Variants in UBR1 observed in about 807,000 individuals in gnomAD.
UBR1 encodes E3 ubiquitin-protein ligase UBR1.
Under a neutral mutation model 242.1 loss-of-function variants are expected in UBR1, and 102 were observed. The ratio of observed to expected loss-of-function variants is 0.42; its 90% CI spans 0.36 to 0.50. The LOEUF (loss-of-function observed/expected upper bound fraction) is 0.50, where lower values mean the gene tolerates loss of function less well. UBR1 is among the 20% of genes least tolerant of loss of function. The pLI is 0.01. For missense variants in UBR1, 1,772 were observed against 2,101.8 expected, an observed-to-expected ratio of 0.84 and a Z score of 3.07; for synonymous variants, 675 against 684.8, an observed-to-expected ratio of 0.99 and a Z score of 0.22.
intron 2 of UBR1, among the ~76,000 whole-genome samples, chr15:43,082,918 G>A (rs2033989307): frequency 1.3e-5 from 2 of 152,226 alleles, no homozygotes; most frequent in South Asian, 4.1e-4. Flanking sequence ...CCACATTTAA[G>A]TGTGTAGGTC....
chr15:43,047,366 G>C (rs2033499156), intron 13 of UBR1, 77 bp from the exon 14 acceptor site: 7 of 1,598,212 alleles, frequency 4.4e-6, no homozygotes, highest in African/African-American at 1.3e-5. Flanking sequence ...ATATAAAACT[G>C]TCAGGATTCA....
intron 37 of UBR1, among the ~76,000 whole-genome samples, chr15:42,981,011 C>A (rs1342806061): frequency 6.6e-6 from 1 of 152,124 alleles, no homozygotes; most frequent in Non-Finnish European, 1.5e-5. Flanking sequence ...TTCTGCTATT[C>A]ATTTTAGTTC....
intron 1 of UBR1, chr15:43,092,022 G>A (rs1397201707): frequency 2.2e-6 from 1 of 453,106 alleles, no homozygotes; most frequent in Non-Finnish European, 4.4e-6. Flanking sequence ...AGAGGGAGAG[G>A]TCAGTGAGCG....
rs2031955660 is a variant in UBR1, at chr15:42,958,234, A to T, written c.4758-144T>A. 7.7e-6 allele frequency: 5 copies of T among 650,726 alleles called. No homozygotes were observed. The Admixed American group carries it at 1.4e-4, about 18-fold the overall frequency. 40.3% of individuals were successfully genotyped at this position (650,726 alleles called of 1,614,324 possible). On this transcript the variant is annotated intron_variant, in intron 43 of 46. Coordinates refer to ENST00000290650, the MANE Select transcript of UBR1 (RefSeq NM_174916.3). The stretch of plus-strand genomic sequence containing the variant: ...AGTAATTCCCACTGTTGACTTGATC[A>T]AATCCAAACTTCTCAGCCTATAATT...
At chr15:42,965,927 A>G (rs146248884) in intron 41 of UBR1, among the ~76,000 whole-genome samples, 495 of 152,374 alleles carry the variant, frequency 3.2e-3, no homozygotes, top group Non-Finnish European at 4.8e-3. Flanking sequence ...CACATAACCT[A>G]TACATAGATA....
chr15:43,042,115 C>T (rs1442906915), intron 15 of UBR1, among the ~76,000 whole-genome samples: 1 of 152,104 alleles, frequency 6.6e-6, no homozygotes, highest in Admixed American at 6.5e-5. Flanking sequence ...CTAAGGAAAA[C>T]ACTATGATGG....
At position 43,061,449 on chromosome 15, in the gene UBR1, T is replaced by A. The variant is rs529957330; in HGVS notation, c.799-1335A>T. ...ACGCATGTTTATGGCAGTTACAATT[T>A]GCAATTGCAAAATCACGGCACCAAC... On this transcript the variant is annotated intron_variant, in intron 6 of 46. Coordinates refer to ENST00000290650, the MANE Select transcript of UBR1 (RefSeq NM_174916.3). Among the ~76,000 whole-genome samples the A allele has an allele frequency of 3.3e-5, 5 of 152,296 alleles. No individual in the cohort carries two copies. In the South Asian group the frequency reaches 1.0e-3, roughly 32 times the overall value.
Position 43,039,402 on chromosome 15 carries a change from T to C in UBR1, c.1850-1170A>G, listed in dbSNP as rs560168891. On this transcript the variant is annotated intron_variant, in intron 15 of 46. Coordinates refer to ENST00000290650, the MANE Select transcript of UBR1 (RefSeq NM_174916.3). ...TTGAAGAGGTCCTTCACATCCCTTG[T>C]AAGTTGGATTCCTAGGTATTTTATT... is the stretch of plus-strand genomic sequence containing the variant. Among the ~76,000 whole-genome samples, 5 of 152,354 alleles carry C rather than the reference T, an allele frequency of 3.3e-5. No individual in the cohort carries two copies. In the South Asian group the frequency reaches 8.3e-4, roughly 25 times the overall value.
intron 15 of UBR1, among the ~76,000 whole-genome samples, chr15:43,040,669 G>A (rs918907539): frequency 6.6e-6 from 1 of 152,106 alleles, no homozygotes; most frequent in Non-Finnish European, 1.5e-5. Context: ...CCTACAGAAT[G>A]GGAGAAAATT....
At chr15:43,085,183 G>A (rs2034020056) in intron 2 of UBR1, among the ~76,000 whole-genome samples, 1 of 152,166 alleles carries the variant, frequency 6.6e-6, no homozygotes, top group African/African-American at 2.4e-5. Context: ...AATCTCACTT[G>A]GTGGCAAAAA....
chr15:42,966,226 G>A lies in UBR1; in HGVS notation c.4518C>T (p.Thr1506=), dbSNP rs779421914. Reference sequence around the variant, plus strand: ...ACAATGCAGCACAGCGAAGATAAGGGGTGATGCCATTCTTCAGTGAGACCC... The same window carrying A: ...ACAATGCAGCACAGCGAAGATAAGGAGTGATGCCATTCTTCAGTGAGACCC... The part of the protein sequence containing the change: ...YLWVSLKNGI[T]PYLRCAALFF... Residue 1506 remains threonine, a synonymous_variant, in exon 41 of 47, where the codon ACC becomes ACT. Coordinates refer to ENST00000290650, the MANE Select transcript of UBR1 (RefSeq NM_174916.3). 1.2e-6 allele frequency: 2 copies of A among 1,614,052 alleles called. No individual in the cohort carries two copies. The highest frequency in any genetic ancestry group is 2.2e-5 in the East Asian group (1 of 44,872).
In UBR1 at chr15:43,022,789, G is replaced by A. The variant is rs779429240; in HGVS notation, c.2752C>T (p.Leu918=). ...TTCTCTTCTAGTAAACCCAATGCCAGAATATGAAAAGCCTGAAGGAGGAAA... is the reference window on the plus strand; with the variant it reads ...TTCTCTTCTAGTAAACCCAATGCCAAAATATGAAAAGCCTGAAGGAGGAAA... ...EGMLQMAFHI[L]ALGLLEEKQQ... is the part of the protein sequence containing the mutation. Residue 918 remains leucine, a synonymous_variant, in exon 26 of 47, where the codon CTG becomes TTG. Coordinates refer to ENST00000290650, the MANE Select transcript of UBR1 (RefSeq NM_174916.3). The A allele has an allele frequency of 1.2e-6, 2 of 1,610,704 alleles. No individual in the cohort carries two copies. The highest frequency in any genetic ancestry group is 1.3e-5 in the African/African-American group (1 of 74,966).
intron 9 of UBR1, among the ~76,000 whole-genome samples, 155 bp from the exon 10 acceptor site, chr15:43,058,584 G>A (rs2141336235): frequency 6.6e-6 from 1 of 152,104 alleles, no homozygotes; most frequent in South Asian, 2.1e-4. Flanking sequence ...TTAATAACTG[G>A]AATTTAAAAT....
chr15:43,104,795 T>C (rs1475610395), intron 1 of UBR1, among the ~76,000 whole-genome samples: 1 of 151,650 alleles, frequency 6.6e-6, no homozygotes, highest in Admixed American at 6.6e-5. Flanking sequence ...AGGTCAGGAG[T>C]TCGAGATCAG....
At chr15:42,988,425 C>A in intron 35 of UBR1, 1 of 228,120 alleles carries the variant, frequency 4.4e-6, no homozygotes, top group South Asian at 6.2e-5. Flanking sequence ...TTCCTGATTA[C>A]CTAGGATTAC....
Position 42,949,031 on chromosome 15 carries a change from A to G in UBR1, c.5108+1231T>C, listed in dbSNP as rs539734602. On this transcript the variant is annotated intron_variant, in intron 46 of 46. Transcript: ENST00000290650. ...ATAGCAAAGACTTGGAACCAACCCA[A>G]ATGTCCAACAACGATAGACTGGATT... Among the ~76,000 whole-genome samples, 4 of 152,276 alleles carry G rather than the reference A, an allele frequency of 2.6e-5. No individual in the cohort carries two copies. In the South Asian group the frequency reaches 8.3e-4, roughly 32 times the overall value.
chr15:42,993,323 T>C (rs1431602891), intron 33 of UBR1, among the ~76,000 whole-genome samples: 1 of 152,096 alleles, frequency 6.6e-6, no homozygotes, highest in Admixed American at 6.6e-5. Flanking sequence ...TTTTGTATCC[T>C]GTGAAAGTAT....
Position 43,015,852 on chromosome 15 carries a change from T to G in UBR1, c.3045A>C (p.Glu1015Asp), listed in dbSNP as rs1450509467. The G allele has an allele frequency of 1.2e-6, 2 of 1,614,068 alleles. No individual in the cohort carries two copies. The highest frequency in any genetic ancestry group is 8.5e-7 in the Non-Finnish European group (1 of 1,180,010). Residue 1015 changes from glutamate (E) to aspartate (D), a missense_variant, in exon 29 of 47, where the codon GAA becomes GAC. Physicochemically the swap from Glu to Asp is conservative, Grantham distance 45. Around this residue, in one of 3 missense-constraint regions of UBR1, gnomAD observed 965 missense variants for 1,079.7 expected, o/e 0.89. Transcript: ENST00000290650. ...IKNDEITHDK[E>D]KAERKRKAEA... ...CAGCTTTTCTTTTTCGTTCTGCTTT[T>G]TCTTTATCATGAGTAATCTGGGTAT...
At chr15:43,007,748 C>T (rs2032855419) in intron 29 of UBR1, among the ~76,000 whole-genome samples, 1 of 152,170 alleles carries the variant, frequency 6.6e-6, no homozygotes, top group Non-Finnish European at 1.5e-5. Context: ...GATCACATTA[C>T]ACAGATCTGC....
Sources: allele counts gnomAD v4.1 joint callset (sites outside exome capture counted in the v4.1 genomes callset), GRCh38; gene constraint gnomAD v4.1.1; regional missense constraint gnomAD v4.1.1; transcripts MANE v1.5; gene names NCBI Gene and HGNC (gene_info 2026-07-23, HGNC 2026-07-21).